Variants in NRG1 observed in about 807,000 individuals in gnomAD.
NRG1 encodes the protein neuregulin 1, also known as pro-neuregulin-1, membrane-bound isoform.
NRG1 carries 18 observed loss-of-function variants against 63.8 expected under a neutral mutation model. The observed-to-expected ratio is 0.28, with a 90% CI of 0.19 to 0.42. NRG1 has a LOEUF of 0.42. Among genes scored for constraint, NRG1 ranks in the 10% least tolerant of loss-of-function variants. The probability of loss-of-function intolerance (pLI) is 1.00; values close to 1 mark genes in which losing one functional copy is unlikely to be tolerated. For synonymous variants in NRG1, 302 were observed against 301.3 expected, an observed-to-expected ratio of 1.00 and a Z score of -0.02; for missense variants, 762 against 814.7, an observed-to-expected ratio of 0.94 and a Z score of 0.79.
rs188624499 is a variant in NRG1 at position 32,536,681 on chromosome 8, G to A, written c.38-59147G>A. ...CTCATGCCTGTAATCCCAGCACTTTGGGAGGCCGAGGCAGGTGGATCACGA... is the reference window on the plus strand; with the variant it reads ...CTCATGCCTGTAATCCCAGCACTTTAGGAGGCCGAGGCAGGTGGATCACGA... On this transcript the variant is annotated intron_variant, in intron 1 of 10. Transcript: ENST00000519301. Among the ~76,000 whole-genome samples, 176 of 152,070 alleles carry A rather than the reference G, an allele frequency of 1.2e-3. 1 individual carries two copies. Among genetic ancestry groups the A allele is most frequent in the African/African-American group, 4.0e-3 (165 of 41,486 alleles).
chr8:32,694,866 C>T (rs541852395), intron 5 of NRG1, among the ~76,000 whole-genome samples: 28 of 152,246 alleles, frequency 1.8e-4, no homozygotes, highest in African/African-American at 5.8e-4. Context: ...AATCCCACAG[C>T]GAGGGTCCAC....
chr8:32,187,755 A>G (rs1842105508), intron 1 of NRG1, among the ~76,000 whole-genome samples: 1 of 152,182 alleles, frequency 6.6e-6, no homozygotes, highest in East Asian at 1.9e-4. Flanking sequence ...AAGAAAAAAA[A>G]AAAATCTTAC....
At chr8:31,732,052 G>A (rs2131358186) in intron 1 of NRG1, among the ~76,000 whole-genome samples, 1 of 152,136 alleles carries the variant, frequency 6.6e-6, no homozygotes, top group South Asian at 2.1e-4. Flanking sequence ...ATGTAAAAAT[G>A]TTATTTATTT....
At chr8:31,639,362 C>A in exon 1 of NRG1, 1 of 1,534,112 alleles carries the variant, frequency 6.5e-7, no homozygotes. Context: ...CAGGAGGACC[C>A]ACTCGCGGGT....
At chr8:31,998,886 T>G (rs1013021564) in intron 1 of NRG1, among the ~76,000 whole-genome samples, 1 of 152,018 alleles carries the variant, frequency 6.6e-6, no homozygotes, top group Non-Finnish European at 1.5e-5. Flanking sequence ...TGAATGAATT[T>G]CTCTGACTTT....
chr8:31,947,965 A>AAC (rs1563604201), intron 1 of NRG1, among the ~76,000 whole-genome samples: 2 of 149,576 alleles, frequency 1.3e-5, no homozygotes, highest in Admixed American at 6.6e-5. Context: ...AAAAAAAAAA[A>AAC]AAAAAAACTA....
At chr8:32,763,319 A>T (rs1831050428) in intron 11 of NRG1, 3 of 1,613,996 alleles carry the variant, frequency 1.9e-6, no homozygotes, top group Non-Finnish European at 2.5e-6. Context: ...TCCATTCCCC[A>T]TTTGGGCTTC....
At chr8:31,828,213 A>T (rs768437085) in intron 1 of NRG1, among the ~76,000 whole-genome samples, 1 of 152,242 alleles carries the variant, frequency 6.6e-6, no homozygotes, top group Non-Finnish European at 1.5e-5. Context: ...ATTATCTACC[A>T]CATGTGTTTG....
intron 1 of NRG1, among the ~76,000 whole-genome samples, chr8:31,829,326 A>G (rs1824882653): frequency 6.6e-6 from 1 of 152,206 alleles, no homozygotes; most frequent in Non-Finnish European, 1.5e-5. Flanking sequence ...TTCCCCTAAT[A>G]CATTGCTGGA....
chr8:32,326,427 TCA>T (rs1375471113), intron 1 of NRG1, among the ~76,000 whole-genome samples: 1 of 150,912 alleles, frequency 6.6e-6, no homozygotes, highest in South Asian at 2.1e-4. Flanking sequence ...TTCTCCCATC[TCA>T]GTCTCCCAAG....
At chr8:32,170,292 A>G (rs1839893102) in intron 1 of NRG1, among the ~76,000 whole-genome samples, 1 of 152,232 alleles carries the variant, frequency 6.6e-6, no homozygotes, top group African/African-American at 2.4e-5. Flanking sequence ...TTAGAGGTGG[A>G]GTAAAAGATA....
At chr8:31,798,520 A>G (rs1220865307) in intron 1 of NRG1, among the ~76,000 whole-genome samples, 5 of 152,322 alleles carry the variant, frequency 3.3e-5, no homozygotes, top group African/African-American at 1.2e-4. Context: ...AAATGAACAG[A>G]GAATCTTGAC....
chr8:32,156,711 C>CTT (rs972195045), intron 1 of NRG1, among the ~76,000 whole-genome samples: 3 of 152,148 alleles, frequency 2.0e-5, no homozygotes, highest in Admixed American at 6.5e-5. Flanking sequence ...GTTCAGAATT[C>CTT]TTTTTTAAAA....
intron 1 of NRG1, among the ~76,000 whole-genome samples, chr8:31,852,136 G>A (rs1158222638): frequency 6.6e-6 from 1 of 152,040 alleles, no homozygotes; most frequent in Non-Finnish European, 1.5e-5. Flanking sequence ...TAATGGGATG[G>A]CTGGGTCAAA....
intron 5 of NRG1, among the ~76,000 whole-genome samples, chr8:32,662,833 C>A (rs1803202790): frequency 1.3e-5 from 2 of 152,254 alleles, no homozygotes; most frequent in South Asian, 4.1e-4. Context: ...TCATTTTGCT[C>A]AGTCTCCCAA....
chr8:32,166,315 C>A (rs914299867), intron 1 of NRG1, among the ~76,000 whole-genome samples: 1 of 152,026 alleles, frequency 6.6e-6, no homozygotes, highest in Non-Finnish European at 1.5e-5. Context: ...GAAATAGAAT[C>A]CTGGGTTAGA....
intron 1 of NRG1, among the ~76,000 whole-genome samples, chr8:31,762,623 T>A (rs1446074680): frequency 1.3e-5 from 2 of 152,198 alleles, no homozygotes; most frequent in African/African-American, 4.8e-5. Context: ...GCCTTAAACT[T>A]TTATTTTCTG....
chr8:32,301,976 G>A (rs932965429), intron 1 of NRG1, among the ~76,000 whole-genome samples: 1 of 152,170 alleles, frequency 6.6e-6, no homozygotes, highest in African/African-American at 2.4e-5. Flanking sequence ...TGACTGGGGG[G>A]AGTGAATGTA....
chr8:31,800,421 A>C (rs898552046), intron 1 of NRG1, among the ~76,000 whole-genome samples: 50 of 152,188 alleles, frequency 3.3e-4, no homozygotes, highest in African/African-American at 1.2e-3. Context: ...AGTAAGTTGT[A>C]CGTGCTTGAG....
Sources: gnomAD v4.1 joint callset for allele counts (sites outside exome capture counted in the v4.1 genomes callset) on GRCh38, gnomAD v4.1.1 for gene constraint, MANE v1.5 for transcripts, NCBI Gene and HGNC (gene_info 2026-07-23, HGNC 2026-07-21) for gene names.